KALRN: variants seen among roughly 807,000 people sequenced by gnomAD.
KALRN encodes kalirin RhoGEF kinase.
In KALRN, 70 loss-of-function variants were observed where a neutral mutation model predicts 353.7. That is an observed-to-expected ratio of 0.20 (90% CI 0.16 to 0.24). The LOEUF (loss-of-function observed/expected upper bound fraction) is 0.24, where lower values mean the gene tolerates loss of function less well. Among genes scored for constraint, KALRN ranks in the 10% least tolerant of loss-of-function variants. The probability of loss-of-function intolerance (pLI) is 1.00; values close to 1 mark genes in which losing one functional copy is unlikely to be tolerated. For missense variants in KALRN, 2,791 were observed against 3,756.7 expected (o/e 0.74, Z 6.72); for synonymous variants, 1,391 against 1,434.8 (o/e 0.97, Z 0.69).
At chr3:124,413,328 A>G (rs544158451) in intron 13 of KALRN, 142 bp from the exon 14 acceptor site, 5 of 675,208 alleles carry the variant, frequency 7.4e-6, no homozygotes, top group East Asian at 2.7e-5. Flanking sequence ...TGTTGCTTAA[A>G]TAGTCTAAGG....
chr3:124,274,995 A>G (rs2074553929), intron 5 of KALRN, among the ~76,000 whole-genome samples: 1 of 152,228 alleles, frequency 6.6e-6, no homozygotes, highest in Non-Finnish European at 1.5e-5. Flanking sequence ...GACATTAGGC[A>G]CATCTTTAAC....
Position 124,518,717 on chromosome 3 carries a change from G to T in KALRN, c.4935+22304G>T. 6 of 1,405,496 alleles carry T rather than the reference G, an allele frequency of 4.3e-6. No homozygotes were observed. The South Asian group carries it at 7.7e-5, about 18-fold the overall frequency. The allele number at this position is 1,405,496 out of a possible 1,614,324, so 87.1% of individuals were successfully genotyped here. ...TGAGCTTCTCTCCAAAGTCTAAAAT[G>T]GTGGGGCAGTAGGGACCTGTGAGAG... On this transcript the variant is annotated intron_variant, in intron 33 of 59. Transcript: ENST00000682506.
rs576071474 is a variant in KALRN at position 124,480,221 on chromosome 3, G to T, written c.4192-2587G>T. On this transcript the variant is annotated intron_variant, in intron 27 of 59. Coordinates refer to ENST00000682506, the MANE Select transcript of KALRN (RefSeq NM_001388419.1). ...CCAGATAAACTCACAAGGTTCAGTTGCCTGAAGAGAGTCAAGCTGCATCTG... is the reference window on the plus strand; with the variant it reads ...CCAGATAAACTCACAAGGTTCAGTTTCCTGAAGAGAGTCAAGCTGCATCTG... 2.6e-5 allele frequency among the ~76,000 whole-genome samples: 4 copies of T among 152,288 alleles called. 1 individual carries two copies. In the South Asian group the frequency reaches 8.3e-4, roughly 32 times the overall value.
At chr3:124,545,586 C>T (rs1017608484) in intron 33 of KALRN, among the ~76,000 whole-genome samples, 3 of 152,100 alleles carry the variant, frequency 2.0e-5, no homozygotes, top group African/African-American at 7.2e-5. Flanking sequence ...TGCTTCCTGC[C>T]CTTTGCTAGA....
At chr3:124,065,925 T>A (rs1192140639) in intron 1 of KALRN, among the ~76,000 whole-genome samples, 2 of 152,172 alleles carry the variant, frequency 1.3e-5, no homozygotes. Flanking sequence ...AGAACATAAC[T>A]TTTCTGGAAG....
intron 1 of KALRN, among the ~76,000 whole-genome samples, chr3:124,141,428 T>G (rs554144161): frequency 6.6e-6 from 1 of 152,166 alleles, no homozygotes; most frequent in East Asian, 1.9e-4. Context: ...CTTTTTCTCA[T>G]GTGGGTGAGA....
At chr3:124,288,324 T>C (rs2149114115) in intron 5 of KALRN, among the ~76,000 whole-genome samples, 1 of 152,198 alleles carries the variant, frequency 6.6e-6, no homozygotes, top group South Asian at 2.1e-4. Flanking sequence ...CAGGAGGAGA[T>C]GAGACTTCAA....
chr3:124,438,324 T>C (rs2093550465), intron 17 of KALRN, among the ~76,000 whole-genome samples: 1 of 152,164 alleles, frequency 6.6e-6, no homozygotes, highest in African/African-American at 2.4e-5. Flanking sequence ...CTACAGGAAA[T>C]GTGTATTTTG....
intron 1 of KALRN, among the ~76,000 whole-genome samples, chr3:124,057,915 C>T (rs887807251): frequency 6.6e-6 from 1 of 152,174 alleles, no homozygotes; most frequent in Non-Finnish European, 1.5e-5. Context: ...TTTCATGCTG[C>T]TGATAAAGAC....
At chr3:124,269,290 G>T in intron 5 of KALRN, 35 bp downstream of exon 5, 1 of 1,542,300 alleles carries the variant, frequency 6.5e-7, no homozygotes, top group South Asian at 1.2e-5. Flanking sequence ...GAGCCGGGAT[G>T]GGGGTGAGGG....
chr3:124,350,439 C>T (rs2082720886), intron 10 of KALRN, among the ~76,000 whole-genome samples: 2 of 152,184 alleles, frequency 1.3e-5, no homozygotes, highest in South Asian at 4.1e-4. Flanking sequence ...GAAAGTTCTT[C>T]CATGTGCCCA....
chr3:124,134,798 G>C (rs1054147927), intron 1 of KALRN, among the ~76,000 whole-genome samples: 2 of 152,160 alleles, frequency 1.3e-5, no homozygotes, highest in African/African-American at 4.8e-5. Context: ...CTAATGATCA[G>C]GGAAATGCAA....
rs71922638 is a variant in KALRN at position 124,496,012 on chromosome 3, TAC to T, written c.4833-291_4833-290del. ...ATATATATATATATATATATATATA[TAC>T]ACACACATATATACATACATACACC... is the stretch of plus-strand genomic sequence containing the variant. On this transcript the variant is annotated intron_variant, in intron 32 of 59. Transcript: ENST00000682506. Among the ~76,000 whole-genome samples, 25 of 43,692 alleles carry T rather than the reference TAC, an allele frequency of 5.7e-4. 3 individuals are homozygous for T. The highest frequency in any genetic ancestry group is 1.1e-3 in the African/African-American group (9 of 8,354). The allele number at this position is 43,692 out of a possible 152,430, so 28.7% of individuals were successfully genotyped here.
At chr3:124,397,814 C>A (rs1320593007) in intron 12 of KALRN, among the ~76,000 whole-genome samples, 1 of 152,228 alleles carries the variant, frequency 6.6e-6, no homozygotes, top group Non-Finnish European at 1.5e-5. Context: ...ACCCCCAAAT[C>A]AAAACTGTTT....
chr3:124,428,971 A>G (rs184779055), intron 15 of KALRN, among the ~76,000 whole-genome samples: 2 of 152,340 alleles, frequency 1.3e-5, no homozygotes, highest in Admixed American at 6.5e-5. Flanking sequence ...AACAAAATGC[A>G]GTGAATCATG....
Position 124,355,995 on chromosome 3 carries a change from G to A in KALRN, c.1770+8730G>A, listed in dbSNP as rs200528474. Among the ~76,000 whole-genome samples the A allele has an allele frequency of 6.6e-5, 10 of 152,082 alleles. No individual in the cohort carries two copies. In the East Asian group the frequency reaches 7.7e-4, roughly 12 times the overall value. On this transcript the variant is annotated intron_variant, in intron 10 of 59. Transcript: ENST00000682506. Reference sequence around the variant, plus strand: ...CTCCCAAAGTGCTGGGATTACAGGCGTGAGCCACCGCGCCCAGCCTCTCCC... The same window carrying A: ...CTCCCAAAGTGCTGGGATTACAGGCATGAGCCACCGCGCCCAGCCTCTCCC...
intron 1 of KALRN, among the ~76,000 whole-genome samples, chr3:124,041,256 C>A (rs1406377630): frequency 6.6e-6 from 1 of 152,162 alleles, no homozygotes; most frequent in Non-Finnish European, 1.5e-5. Flanking sequence ...ATAACTTGGA[C>A]AAATGACTTT....
chr3:124,648,820 G>A (rs1221145036), intron 37 of KALRN, among the ~76,000 whole-genome samples: 2 of 152,210 alleles, frequency 1.3e-5, no homozygotes, highest in African/African-American at 4.8e-5. Flanking sequence ...TCATTGGAAT[G>A]CCTGCCTGTG....
chr3:124,515,281 C>T (rs1223309219), intron 33 of KALRN, among the ~76,000 whole-genome samples: 3 of 152,236 alleles, frequency 2.0e-5, no homozygotes, highest in Middle Eastern at 3.4e-3. Flanking sequence ...GGAGTCTGTA[C>T]ATGAATAGGG....
Sources: gnomAD v4.1 joint callset for allele counts (sites outside exome capture counted in the v4.1 genomes callset) on GRCh38, gnomAD v4.1.1 for gene constraint, MANE v1.5 for transcripts, NCBI Gene and HGNC (gene_info 2026-07-23, HGNC 2026-07-21) for gene names.